ADARB1: variants seen among roughly 807,000 people sequenced by gnomAD.
ADARB1 encodes adenosine deaminase RNA specific B1, also known as double-stranded RNA-specific editase 1.
In ADARB1, 10 loss-of-function variants were observed where a neutral mutation model predicts 52.4. The observed-to-expected ratio is 0.19, with a 90% CI of 0.12 to 0.32. ADARB1 has a LOEUF of 0.32. Among genes scored for constraint, ADARB1 ranks in the 10% least tolerant of loss-of-function variants. ADARB1 has a pLI of 1.00. For missense variants in ADARB1, 643 were observed against 922.3 expected (o/e 0.70, Z 3.92); for synonymous variants, 349 against 371.1 (o/e 0.94, Z 0.68).
chr21:45,199,021 T>C (rs1296529984), intron 8 of ADARB1, among the ~76,000 whole-genome samples: 2 of 152,112 alleles, frequency 1.3e-5, no homozygotes, highest in East Asian at 3.8e-4. Context: ...GGCAGAACAG[T>C]GGCACAACAT....
intron 8 of ADARB1, among the ~76,000 whole-genome samples, chr21:45,203,887 G>A (rs1478461046): frequency 1.3e-5 from 2 of 152,150 alleles, no homozygotes; most frequent in Admixed American, 6.5e-5. Context: ...AACCCTGTAC[G>A]TGCTGGTATT....
intron 9 of ADARB1, among the ~76,000 whole-genome samples, chr21:45,212,851 GAAAC>G (rs891425501): frequency 2.6e-5 from 4 of 152,106 alleles, no homozygotes; most frequent in Non-Finnish European, 5.9e-5. Flanking sequence ...ACAACTGAAA[GAAAC>G]AATTTAGAAA....
intron 2 of ADARB1, among the ~76,000 whole-genome samples, chr21:45,139,945 T>C: frequency 1.0e-5 from 1 of 96,476 alleles, no homozygotes; most frequent in Non-Finnish European, 2.1e-5. Context: ...TTTTTTTTTT[T>C]TTTTTTTTTT....
chr21:45,173,981 C>T (rs2091588476), intron 3 of ADARB1, among the ~76,000 whole-genome samples: 1 of 152,020 alleles, frequency 6.6e-6, no homozygotes, highest in East Asian at 1.9e-4. Context: ...CTGTCTTGGC[C>T]GAATGATGAC....
rs1048632787 is a variant in ADARB1 at position 45,138,371 on chromosome 21, A to G, written c.-48+9798A>G. The stretch of plus-strand genomic sequence containing the variant: ...CCTTGGATGTATATACGCACTTCTT[A>G]TGTCGTAAGTAATCCAGAGGGAGGA... On this transcript the variant is annotated intron_variant, in intron 2 of 10. Coordinates refer to ENST00000348831, the MANE Select transcript of ADARB1 (RefSeq NM_001112.4). Among the ~76,000 whole-genome samples the G allele has an allele frequency of 2.6e-5, 4 of 152,154 alleles. No homozygotes were observed. In the East Asian group the frequency reaches 7.7e-4, roughly 29 times the overall value.
At chr21:45,133,368 T>C (rs1375946994) in intron 2 of ADARB1, among the ~76,000 whole-genome samples, 1 of 152,252 alleles carries the variant, frequency 6.6e-6, no homozygotes, top group Admixed American at 6.5e-5. Flanking sequence ...TCAAGGCGTA[T>C]AGGCAGGGTC....
In ADARB1 at chr21:45,171,668, A is replaced by T. The variant is rs2091487731; in HGVS notation, c.12A>T (p.Glu4Asp). Reference protein sequence around the residue: MDIEDEENMSSSST... With the variant: MDIDDEENMSSSST... ...AAAAGTATTTTGCCATGGATATAGA[A>T]GATGAAGAAAACATGAGTAAGATCT... Residue 4 changes from glutamate (E) to aspartate (D), a missense_variant, in exon 3 of 11, where the codon GAA becomes GAT. Transcript: ENST00000348831. The T allele has an allele frequency of 3.7e-6, 6 of 1,613,752 alleles. No individual in the cohort carries two copies. Among genetic ancestry groups the T allele is most frequent in the Non-Finnish European group, 5.1e-6 (6 of 1,179,794 alleles).
chr21:45,090,859 C>G (rs905482951), intron 1 of ADARB1, among the ~76,000 whole-genome samples: 5 of 152,182 alleles, frequency 3.3e-5, no homozygotes, highest in African/African-American at 9.7e-5. Context: ...GCCTTGGCCA[C>G]CTCATTTGTA....
At position 45,176,196 on chromosome 21, in the gene ADARB1, C is replaced by T; in HGVS notation, c.495C>T (p.Phe165=). 1 of 1,614,210 alleles carries T rather than the reference C, an allele frequency of 6.2e-7. No homozygotes were observed. The highest frequency in any genetic ancestry group is 8.5e-7 in the Non-Finnish European group (1 of 1,180,044). Residue 165 remains phenylalanine (F), a synonymous_variant, in exon 4 of 11, where the codon TTC becomes TTT. Coordinates refer to ENST00000348831, the MANE Select transcript of ADARB1 (RefSeq NM_001112.4). This position sits in a 1 kb window ranked among gnomAD's most constrained non-coding sequence, Gnocchi z 5.8. ...GGACCCTGTCTGTCAACACGGACTT[C>T]ACATCTGACCAGGCCGACTTCCCTG... is the stretch of plus-strand genomic sequence containing the variant. ...MGRTLSVNTD[F]TSDQADFPDT...
intron 9 of ADARB1, among the ~76,000 whole-genome samples, chr21:45,217,647 C>T (rs977878593): frequency 2.0e-5 from 3 of 152,052 alleles, no homozygotes; most frequent in Admixed American, 2.0e-4. Flanking sequence ...GCTATCATTT[C>T]CAGGGCTCTT....
intron 8 of ADARB1, among the ~76,000 whole-genome samples, chr21:45,198,038 T>C (rs1042580813): frequency 2.0e-5 from 3 of 152,072 alleles, no homozygotes; most frequent in African/African-American, 7.2e-5. Flanking sequence ...TGTACCGCAG[T>C]AACTCCAGGG....
intron 2 of ADARB1, chr21:45,146,076 C>G (rs1037781425): frequency 7.3e-6 from 1 of 137,160 alleles, no homozygotes; most frequent in African/African-American, 2.7e-5. Context: ...CCGGGATTAC[C>G]TACGGCCAGA....
Position 45,208,626 on chromosome 21 carries a change from G to A in ADARB1, c.1747+3890G>A, listed in dbSNP as rs565939200. ...GGAAAGTGTGTGTGTGTATGTGTGCGTGTGTGTGTGTGTGAGTGCATGTGA... is the reference window on the plus strand; with the variant it reads ...GGAAAGTGTGTGTGTGTATGTGTGCATGTGTGTGTGTGTGAGTGCATGTGA... On this transcript the variant is annotated intron_variant, in intron 9 of 10. Coordinates refer to ENST00000348831, the MANE Select transcript of ADARB1 (RefSeq NM_001112.4). The surrounding 1 kb of genome is among the most constrained non-coding windows in gnomAD (Gnocchi z 5.6). Among the ~76,000 whole-genome samples the A allele has an allele frequency of 2.7e-4, 40 of 150,080 alleles. No individual in the cohort carries two copies. The East Asian group carries it at 3.7e-3, about 14-fold the overall frequency.
intron 9 of ADARB1, among the ~76,000 whole-genome samples, chr21:45,218,619 G>C (rs2092910239): frequency 6.6e-6 from 1 of 152,194 alleles, no homozygotes. Flanking sequence ...GGTTTCCCTT[G>C]ACTCTCAATT....
chr21:45,151,260 TGAAAA>T (rs2090270894), intron 2 of ADARB1, among the ~76,000 whole-genome samples: 1 of 152,156 alleles, frequency 6.6e-6, no homozygotes, highest in Non-Finnish European at 1.5e-5. Context: ...CAATAGAAAA[TGAAAA>T]GAATTCACTA....
chr21:45,195,302 G>GAA (rs1942313863), intron 8 of ADARB1, among the ~76,000 whole-genome samples: 1 of 152,082 alleles, frequency 6.6e-6, no homozygotes, highest in South Asian at 2.1e-4. Context: ...ATTTGGAAGA[G>GAA]TTCTTCATAG....
At chr21:45,081,394 T>C (rs186790131) in intron 1 of ADARB1, among the ~76,000 whole-genome samples, 1 of 152,346 alleles carries the variant, frequency 6.6e-6, no homozygotes, top group Non-Finnish European at 1.5e-5. Context: ...ACTTTTGGCA[T>C]AGCATTCAAT....
intron 1 of ADARB1, among the ~76,000 whole-genome samples, chr21:45,096,261 T>C (rs1430720163): frequency 6.6e-6 from 1 of 152,198 alleles, no homozygotes; most frequent in Non-Finnish European, 1.5e-5. Flanking sequence ...GATGCCTCCT[T>C]CTGCAGGAAA....
At chr21:45,138,045 C>T (rs2089491066) in intron 2 of ADARB1, among the ~76,000 whole-genome samples, 1 of 152,084 alleles carries the variant, frequency 6.6e-6, no homozygotes, top group Admixed American at 6.5e-5. Context: ...TAGCTCTTGC[C>T]CTCCTCAGTG....
Sources: allele counts gnomAD v4.1 joint callset (sites outside exome capture counted in the v4.1 genomes callset), GRCh38; gene constraint gnomAD v4.1.1; non-coding constraint Gnocchi (gnomAD v3.1); transcripts MANE v1.5; gene names NCBI Gene and HGNC (gene_info 2026-07-23, HGNC 2026-07-21).